PRR5L: variants seen among roughly 807,000 people sequenced by gnomAD.
PRR5L encodes proline-rich protein 5-like.
PRR5L carries 21 observed loss-of-function variants against 36.4 expected under a neutral mutation model. The ratio of observed to expected loss-of-function variants is 0.58; its 90% confidence interval spans 0.41 to 0.83. The LOEUF is 0.83. Ranked by LOEUF, PRR5L falls within the 40% of genes least tolerant of loss-of-function variation. The pLI is 0.00. For synonymous variants in PRR5L, 188 were observed against 197.0 expected, an observed-to-expected ratio of 0.95 and a Z score of 0.38; for missense variants, 381 against 473.3, an observed-to-expected ratio of 0.80 and a Z score of 1.81.
intron 1 of PRR5L, among the ~76,000 whole-genome samples, chr11:36,319,853 A>G (rs1856595894): frequency 6.6e-6 from 1 of 152,138 alleles, no homozygotes; most frequent in African/African-American, 2.4e-5. Context: ...ACAAATTACA[A>G]ATTCCCAGGA....
intron 1 of PRR5L, among the ~76,000 whole-genome samples, chr11:36,366,999 A>G (rs1393163960): frequency 1.3e-5 from 2 of 152,126 alleles, no homozygotes; most frequent in Non-Finnish European, 2.9e-5. Context: ...TATATATCCA[A>G]TGCAGACTGC....
intron 1 of PRR5L, among the ~76,000 whole-genome samples, chr11:36,337,264 G>C (rs141292481): frequency 1.3e-5 from 2 of 152,286 alleles, no homozygotes; most frequent in African/African-American, 4.8e-5. Context: ...CCATCCTCCT[G>C]AATGGGATTA....
At chr11:36,419,401 C>T in intron 4 of PRR5L, 98 bp downstream of exon 4, 1 of 1,064,950 alleles carries the variant, frequency 9.4e-7, no homozygotes, top group East Asian at 2.4e-5. Context: ...ATTCCTTCAA[C>T]AGACAAAATT....
rs1024137971 is a variant in PRR5L at position 36,350,554 on chromosome 11, A to G, written c.-125-50443A>G. ...TTTATTTTTTCTTTTTTAAAATTTC[A>G]ATAGGCTTTTGGGGAACAGGTCGTG... is the stretch of plus-strand genomic sequence containing the variant. On this transcript the variant is annotated intron_variant, in intron 1 of 8. Transcript: ENST00000530639. 2.0e-5 allele frequency among the ~76,000 whole-genome samples: 3 copies of G among 152,012 alleles called. No individual in the cohort carries two copies. In the South Asian group the frequency reaches 6.2e-4, roughly 31 times the overall value.
Position 36,403,381 on chromosome 11 carries a change from A to G in PRR5L, c.245+3A>G. 1 of 1,612,664 alleles carries G rather than the reference A, an allele frequency of 6.2e-7. No homozygotes were observed. The highest frequency in any genetic ancestry group is 8.5e-7 in the Non-Finnish European group (1 of 1,179,224). On this transcript the variant is annotated splice_donor_region_variant and intron_variant, in intron 3 of 8. Transcript: ENST00000530639. ...TATGCCCTGAACGAAAACATCAGGT[A>G]TGTGGCAGGCCAGACTTGGTGCCAT...
chr11:36,352,213 C>T (rs144268509), intron 1 of PRR5L, among the ~76,000 whole-genome samples: 1,843 of 152,124 alleles, frequency 0.012, 33 homozygotes, highest in African/African-American at 0.041. Context: ...TGTTTGTTGG[C>T]CATTTGTATA....
chr11:36,409,146 T>A (rs1857973141), intron 3 of PRR5L, among the ~76,000 whole-genome samples: 1 of 152,036 alleles, frequency 6.6e-6, no homozygotes, highest in African/African-American at 2.4e-5. Context: ...GAAAATGATA[T>A]CCAAGTTGAA....
intron 1 of PRR5L, chr11:36,376,852 G>A: frequency 2.1e-6 from 1 of 485,920 alleles, no homozygotes; most frequent in Non-Finnish European, 2.7e-6. Context: ...ACGTTTGGGG[G>A]GGCAACCAGG....
intron 1 of PRR5L, among the ~76,000 whole-genome samples, chr11:36,346,539 C>T (rs1022172730): frequency 1.3e-5 from 2 of 151,698 alleles, no homozygotes; most frequent in Non-Finnish European, 2.9e-5. Context: ...GCCGAGATTG[C>T]GCCACTGCAC....
At chr11:36,311,125 A>G (rs932697923) in intron 1 of PRR5L, among the ~76,000 whole-genome samples, 5 of 152,086 alleles carry the variant, frequency 3.3e-5, no homozygotes, top group Non-Finnish European at 7.4e-5. Context: ...GAAGAGCTTG[A>G]GAATGCAGCA....
rs76381060 is a variant in PRR5L at position 36,417,562 on chromosome 11, A to G, written c.246-1693A>G. On this transcript the variant is annotated intron_variant, in intron 3 of 8. Coordinates refer to ENST00000530639, the MANE Select transcript of PRR5L (RefSeq NM_001160167.2). ...TGGCCCTCCATGAGACTGCCTTTAA[A>G]TTGGCCCTCAAAATGCAGCATCCAC... is the stretch of plus-strand genomic sequence containing the variant. Among the ~76,000 whole-genome samples the G allele has an allele frequency of 6.4e-3, 969 of 152,314 alleles. 30 individuals are homozygous for G. Among genetic ancestry groups the G allele is most frequent in the East Asian group, 0.049 (256 of 5,178 alleles).
At chr11:36,416,771 G>T (rs114324671) in intron 3 of PRR5L, among the ~76,000 whole-genome samples, 1 of 152,140 alleles carries the variant, frequency 6.6e-6, no homozygotes, top group East Asian at 1.9e-4. Context: ...ATGTAAGGCT[G>T]CTGTGCTTCC....
At chr11:36,400,128 G>A (rs895245865) in intron 1 of PRR5L, among the ~76,000 whole-genome samples, 6 of 152,322 alleles carry the variant, frequency 3.9e-5, no homozygotes, top group African/African-American at 1.4e-4. Context: ...GTTTAAATAA[G>A]CAGAGGGAAA....
At chr11:36,310,075 A>C (rs1045553767) in intron 1 of PRR5L, among the ~76,000 whole-genome samples, 2 of 45,176 alleles carry the variant, frequency 4.4e-5, no homozygotes, top group African/African-American at 6.3e-5. Context: ...ACACATCATC[A>C]TTCCGTGGCT....
chr11:36,318,902 A>G (rs1856586146), intron 1 of PRR5L, among the ~76,000 whole-genome samples: 1 of 152,254 alleles, frequency 6.6e-6, no homozygotes, highest in Admixed American at 6.5e-5. Context: ...GAAGCTGTTC[A>G]TGAGAGCTTG....
intron 4 of PRR5L, among the ~76,000 whole-genome samples, chr11:36,427,250 T>C (rs985166905): frequency 6.6e-6 from 1 of 152,224 alleles, no homozygotes. Flanking sequence ...CACTTCATTA[T>C]AGTGCGACTT....
intron 6 of PRR5L, 63 bp downstream of exon 6, chr11:36,437,539 G>T (rs763576457): frequency 9.9e-5 from 97 of 978,316 alleles, no homozygotes; most frequent in Admixed American, 2.6e-4. Context: ...CCTGGCCCTT[G>T]CGGCCTGAGG....
chr11:36,422,810 T>A (rs180703929), intron 4 of PRR5L, among the ~76,000 whole-genome samples: 14 of 152,216 alleles, frequency 9.2e-5, no homozygotes, highest in African/African-American at 3.4e-4. Context: ...CCAGTATTGA[T>A]TTTTTTCCCT....
Position 36,463,032 on chromosome 11 carries a change from C to T in PRR5L, c.*296C>T, listed in dbSNP as rs2288252. On this transcript the variant is annotated 3_prime_UTR_variant, in exon 9 of 9. Coordinates refer to ENST00000530639, the MANE Select transcript of PRR5L (RefSeq NM_001160167.2). ...CCTCATCTCTGGGCCTTTCTCCCTC[C>T]GATGTTGGACTGCCTGATGCTCCCA... 456 of 318,192 alleles carry T rather than the reference C, an allele frequency of 1.4e-3. 9 individuals are homozygous for T. The East Asian group carries it at 0.024, about 16-fold the overall frequency. 19.7% of individuals were successfully genotyped at this position (318,192 alleles called of 1,614,324 possible).
Sources: allele counts gnomAD v4.1 joint callset (sites outside exome capture counted in the v4.1 genomes callset), GRCh38; gene constraint gnomAD v4.1.1; transcripts MANE v1.5; gene names NCBI Gene and HGNC (gene_info 2026-07-23, HGNC 2026-07-21).